The following CDK5RAP2 variants were observed in gnomAD, a reference collection of about 807,000 sequenced individuals.
CDK5RAP2 encodes CDK5 regulatory subunit-associated protein 2.
A neutral mutation model predicts 232.9 loss-of-function variants in CDK5RAP2; 147 were observed. The ratio of observed to expected loss-of-function variants is 0.63; its 90% CI spans 0.55 to 0.72. The LOEUF (loss-of-function observed/expected upper bound fraction) is 0.72, where lower values mean the gene tolerates loss of function less well. Among genes scored for constraint, CDK5RAP2 ranks in the 30% least tolerant of loss-of-function variants. The probability of loss-of-function intolerance (pLI) is 0.00; values close to 1 mark genes in which losing one functional copy is unlikely to be tolerated. For missense variants in CDK5RAP2, 2,195 were observed against 2,231.5 expected, an observed-to-expected ratio of 0.98 and a Z score of 0.33; for synonymous variants, 833 against 833.7, an observed-to-expected ratio of 1.00 and a Z score of 0.01.
chr9:120,514,994 T>C (rs1370405497), intron 12 of CDK5RAP2, among the ~76,000 whole-genome samples: 2 of 152,086 alleles, frequency 1.3e-5, no homozygotes, highest in Non-Finnish European at 2.9e-5. Context: ...ATACAGCAAT[T>C]TCAAATGATT....
intron 25 of CDK5RAP2, among the ~76,000 whole-genome samples, chr9:120,429,127 C>G (rs1294761211): frequency 1.3e-5 from 2 of 152,054 alleles, no homozygotes; most frequent in South Asian, 2.1e-4. Context: ...TAAGAGCTAT[C>G]TATGACAAAC....
At chr9:120,401,387 G>C (rs1030060089) in intron 34 of CDK5RAP2, among the ~76,000 whole-genome samples, 3 of 151,914 alleles carry the variant, frequency 2.0e-5, no homozygotes, top group Non-Finnish European at 2.9e-5. Flanking sequence ...TCAGAAAAGG[G>C]GAAATACAAG....
At chr9:120,486,175 A>C (rs996389968) in intron 14 of CDK5RAP2, among the ~76,000 whole-genome samples, 3 of 151,942 alleles carry the variant, frequency 2.0e-5, no homozygotes, top group Non-Finnish European at 4.4e-5. Flanking sequence ...GTAGTTTTTA[A>C]ACTACAGGGT....
chr9:120,499,973 CAAAA>C (rs1021477352), intron 12 of CDK5RAP2, among the ~76,000 whole-genome samples: 4 of 151,748 alleles, frequency 2.6e-5, no homozygotes, highest in Non-Finnish European at 5.9e-5. Context: ...AACAATTAAA[CAAAA>C]AGAAAAGTTT....
At chr9:120,538,335 T>G (rs1329928511) in intron 6 of CDK5RAP2, among the ~76,000 whole-genome samples, 1 of 152,160 alleles carries the variant, frequency 6.6e-6, no homozygotes, top group Admixed American at 6.5e-5. Context: ...GAAACTGTGA[T>G]AAAACAAAAG....
intron 12 of CDK5RAP2, among the ~76,000 whole-genome samples, chr9:120,508,820 A>G (rs2039947557): frequency 1.3e-5 from 2 of 152,268 alleles, no homozygotes; most frequent in Admixed American, 6.5e-5. Flanking sequence ...GGTCCATTCC[A>G]CTATCAGGAC....
intron 17 of CDK5RAP2, among the ~76,000 whole-genome samples, chr9:120,468,208 A>T (rs2037492697): frequency 6.6e-6 from 1 of 152,202 alleles, no homozygotes; most frequent in Non-Finnish European, 1.5e-5. Context: ...CAGAGCCATC[A>T]CTTCAAGGCA....
At chr9:120,502,907 C>G (rs1228778990) in intron 12 of CDK5RAP2, among the ~76,000 whole-genome samples, 1 of 152,204 alleles carries the variant, frequency 6.6e-6, no homozygotes, top group African/African-American at 2.4e-5. Flanking sequence ...GAACCAAACA[C>G]AGGCCAAGGC....
At chr9:120,390,717 T>C (rs963964638) in intron 36 of CDK5RAP2, among the ~76,000 whole-genome samples, 6 of 152,174 alleles carry the variant, frequency 3.9e-5, no homozygotes, top group African/African-American at 1.4e-4. Flanking sequence ...TACCAAAGGC[T>C]TCTGGAGCCG....
intron 12 of CDK5RAP2, among the ~76,000 whole-genome samples, chr9:120,502,805 C>CT (rs2039635649): frequency 6.6e-6 from 1 of 152,146 alleles, no homozygotes; most frequent in African/African-American, 2.4e-5. Context: ...TCAACAGAAC[C>CT]TTGGGGAAAG....
chr9:120,506,642 C>T (rs2039828285), intron 12 of CDK5RAP2, among the ~76,000 whole-genome samples: 1 of 152,090 alleles, frequency 6.6e-6, no homozygotes, highest in African/African-American at 2.4e-5. Context: ...AATTTGATTC[C>T]AACCCTCATG....
intron 12 of CDK5RAP2, among the ~76,000 whole-genome samples, chr9:120,516,319 G>A (rs1244310286): frequency 3.8e-5 from 5 of 131,966 alleles, no homozygotes; most frequent in Non-Finnish European, 6.1e-5. Context: ...TGAATAGCGA[G>A]AACACATGGA....
chr9:120,538,910 A>C, intron 6 of CDK5RAP2, 131 bp downstream of exon 6: 1 of 977,154 alleles, frequency 1.0e-6, no homozygotes, highest in Non-Finnish European at 1.6e-6. Context: ...GCTACAATCC[A>C]GGAGATGCTC....
At chr9:120,462,607 T>C (rs78355778) in intron 18 of CDK5RAP2, among the ~76,000 whole-genome samples, 2,292 of 152,302 alleles carry the variant, frequency 0.015, 57 homozygotes, top group African/African-American at 0.052. Context: ...ACTAACCACA[T>C]GGATGAATCT....
chr9:120,483,474 A>G (rs550145484), intron 14 of CDK5RAP2, among the ~76,000 whole-genome samples: 73 of 152,298 alleles, frequency 4.8e-4, no homozygotes, highest in African/African-American at 1.5e-3. Context: ...CACCCTCCCC[A>G]AAGTGTGGCT....
intron 14 of CDK5RAP2, among the ~76,000 whole-genome samples, chr9:120,480,672 A>AG: frequency 6.6e-6 from 1 of 152,274 alleles, no homozygotes; most frequent in East Asian, 1.9e-4. Flanking sequence ...TTTTCAAGAT[A>AG]GGGGTCTCTG....
chr9:120,485,661 CT>C (rs1331513432), intron 14 of CDK5RAP2, among the ~76,000 whole-genome samples: 2 of 152,182 alleles, frequency 1.3e-5, no homozygotes, highest in African/African-American at 4.8e-5. Context: ...ATATTTCCAA[CT>C]AAAATAACCT....
chr9:120,413,809 A>G (rs1047948870), intron 28 of CDK5RAP2, among the ~76,000 whole-genome samples: 1 of 109,146 alleles, frequency 9.2e-6, no homozygotes, highest in African/African-American at 4.0e-5. Flanking sequence ...GCAGTGAGCG[A>G]GGAGGGAGGA....
chr9:120,539,841 G>C (rs925111362), intron 5 of CDK5RAP2, among the ~76,000 whole-genome samples: 3 of 152,146 alleles, frequency 2.0e-5, no homozygotes, highest in Non-Finnish European at 2.9e-5. Flanking sequence ...TCTCAGCAAG[G>C]GGCTTCCAAC....
Sources: allele counts gnomAD v4.1 joint callset (sites outside exome capture counted in the v4.1 genomes callset), GRCh38; gene constraint gnomAD v4.1.1; transcripts MANE v1.5; gene names NCBI Gene and HGNC (gene_info 2026-07-23, HGNC 2026-07-21).